Variants in ERICH1 observed in about 807,000 individuals in gnomAD.
The protein encoded by ERICH1 is glutamate rich 1, also known as glutamate-rich protein 1.
Under a neutral mutation model 39.6 loss-of-function variants are expected in ERICH1, and 56 were observed. The observed-to-expected ratio is 1.41, with a 90% CI of 1.14 to 1.77. The LOEUF (loss-of-function observed/expected upper bound fraction) is 1.77. Among genes scored for constraint, ERICH1 ranks in the 40% most tolerant of loss-of-function variants. The pLI is 0.00. For synonymous variants in ERICH1, 313 were observed against 223.6 expected, an observed-to-expected ratio of 1.40 and a Z score of -3.57; for missense variants, 826 against 575.4, an observed-to-expected ratio of 1.44 and a Z score of -4.45.
intron 2 of ERICH1, among the ~76,000 whole-genome samples, chr8:712,286 T>G (rs1416620846): frequency 6.6e-6 from 1 of 152,244 alleles, no homozygotes; most frequent in African/African-American, 2.4e-5. Context: ...GAACATGGAA[T>G]ATCTGTTCAA....
chr8:672,401 T>C (rs1022620583), intron 4 of ERICH1, among the ~76,000 whole-genome samples: 4 of 152,200 alleles, frequency 2.6e-5, no homozygotes, highest in Non-Finnish European at 5.9e-5. Flanking sequence ...CTATTAAAAA[T>C]GGTACTTCTG....
chr8:615,533 G>A, intron 3 of ERICH1: 1 of 416,678 alleles, frequency 2.4e-6, no homozygotes, highest in Non-Finnish European at 4.2e-6. Flanking sequence ...TCAGACAATG[G>A]CAGTGTTGAT....
At chr8:630,943 A>T (rs146449720) in intron 3 of ERICH1, among the ~76,000 whole-genome samples, 2,111 of 96,426 alleles carry the variant, frequency 0.022, no homozygotes, top group South Asian at 0.04. Context: ...CAGAGCTGAC[A>T]CACACCCTCC....
intron 5 of ERICH1, 151 bp from the exon 6 acceptor site, chr8:664,827 G>A (rs1801946898): frequency 8.3e-6 from 5 of 603,256 alleles, no homozygotes; most frequent in South Asian, 6.7e-5. Context: ...GATGTTGAAA[G>A]TGACACATTA....
chr8:703,537 G>C (rs1222997919), intron 2 of ERICH1, among the ~76,000 whole-genome samples: 1 of 152,168 alleles, frequency 6.6e-6, no homozygotes, highest in Non-Finnish European at 1.5e-5. Flanking sequence ...TCTCTGCAAA[G>C]GCCAGGCCTG....
intron 3 of ERICH1, among the ~76,000 whole-genome samples, chr8:632,690 G>A (rs189210224): frequency 2.6e-5 from 4 of 152,316 alleles, no homozygotes; most frequent in South Asian, 4.1e-4. Flanking sequence ...CCACGGACAC[G>A]CTCAGTCCCA....
rs1048214311 is a variant in ERICH1, at chr8:695,481, G to A, written c.170-2869C>T. On this transcript the variant is annotated intron_variant, in intron 2 of 5. Transcript: ENST00000262109. ...CCTCTGAGAGAGCACAGCAGCTCCC[G>A]CCTCCCTCCCTCTCCTCTCCTTCCT... Among the ~76,000 whole-genome samples the A allele has an allele frequency of 2.7e-4, 41 of 151,916 alleles. 1 individual carries two copies. Among genetic ancestry groups the A allele is most frequent in the African/African-American group, 9.4e-4 (39 of 41,386 alleles).
chr8:709,932 A>G (rs1163733576), intron 2 of ERICH1, among the ~76,000 whole-genome samples: 1 of 152,222 alleles, frequency 6.6e-6, no homozygotes, highest in East Asian at 1.9e-4. Flanking sequence ...GGTAGGTTAG[A>G]ACAAAGAAAA....
chr8:705,427 A>G (rs563153764), intron 2 of ERICH1, among the ~76,000 whole-genome samples: 6 of 152,366 alleles, frequency 3.9e-5, no homozygotes, highest in African/African-American at 1.4e-4. Context: ...CAAGTAAATT[A>G]TAACATTTTT....
At chr8:672,012 G>A (rs533276582) in intron 4 of ERICH1, 47 of 153,922 alleles carry the variant, frequency 3.1e-4, no homozygotes, top group East Asian at 9.6e-4. Flanking sequence ...CTCACCCAAC[G>A]CCCACACACA....
Position 706,488 on chromosome 8 carries a change from A to G in ERICH1, c.169+9373T>C, listed in dbSNP as rs369196066. Among the ~76,000 whole-genome samples the G allele has an allele frequency of 8.5e-5, 13 of 152,302 alleles. No individual in the cohort carries two copies. In the East Asian group the frequency reaches 1.2e-3, roughly 14 times the overall value. ...ACTGGAAGGAAAAATATAAAAAAAGATAAGGCCAGGCGCAGTGGCTCACGC... is the reference window on the plus strand; with the variant it reads ...ACTGGAAGGAAAAATATAAAAAAAGGTAAGGCCAGGCGCAGTGGCTCACGC... On this transcript the variant is annotated intron_variant, in intron 2 of 5. Transcript: ENST00000262109.
At chr8:727,673 G>A (rs914234355) in intron 1 of ERICH1, among the ~76,000 whole-genome samples, 1 of 152,206 alleles carries the variant, frequency 6.6e-6, no homozygotes, top group Admixed American at 6.5e-5. Context: ...ACCAGGCTGG[G>A]TGCCTACCAG....
At chr8:651,697 A>G (rs1799967497) in intron 3 of ERICH1, among the ~76,000 whole-genome samples, 1 of 127,686 alleles carries the variant, frequency 7.8e-6, no homozygotes, top group Non-Finnish European at 1.7e-5. Flanking sequence ...GACTGAGGGG[A>G]GAGAGAGGCT....
In ERICH1 at chr8:731,213, G is replaced by A. The variant is rs1391041427; in HGVS notation, c.-52C>T. On this transcript the variant is annotated 5_prime_UTR_variant, in exon 1 of 6. Coordinates refer to ENST00000262109, the MANE Select transcript of ERICH1 (RefSeq NM_207332.3). ...CACGGCGCGCGGTCCTGAGCTGAGCGCCGTGCCTTCCGGGTTCCGCCCTCC... is the reference window on the plus strand; with the variant it reads ...CACGGCGCGCGGTCCTGAGCTGAGCACCGTGCCTTCCGGGTTCCGCCCTCC... 2.1e-6 allele frequency: 3 copies of A among 1,419,520 alleles called. No homozygotes were observed. The highest frequency in any genetic ancestry group is 2.8e-6 in the Non-Finnish European group (3 of 1,088,118). 87.9% of individuals were successfully genotyped at this position (1,419,520 alleles called of 1,614,324 possible).
intron 1 of ERICH1, among the ~76,000 whole-genome samples, chr8:730,875 T>G (rs1321684755): frequency 6.6e-6 from 1 of 152,056 alleles, no homozygotes; most frequent in Non-Finnish European, 1.5e-5. Flanking sequence ...TGGGCTCGCC[T>G]CCGCCCAGGA....
At chr8:632,716 A>G (rs1257761838) in intron 3 of ERICH1, among the ~76,000 whole-genome samples, 1 of 152,256 alleles carries the variant, frequency 6.6e-6, no homozygotes, top group Non-Finnish European at 1.5e-5. Flanking sequence ...GCTCAGAGAC[A>G]CACAAACTCA....
At chr8:730,411 A>G (rs1281093522) in intron 1 of ERICH1, among the ~76,000 whole-genome samples, 5 of 152,234 alleles carry the variant, frequency 3.3e-5, no homozygotes, top group Admixed American at 2.0e-4. Context: ...AAGGAAAAAA[A>G]TTCATCAGCG....
chr8:656,350 A>G (rs1382254824), intron 3 of ERICH1, among the ~76,000 whole-genome samples: 2 of 152,156 alleles, frequency 1.3e-5, no homozygotes, highest in African/African-American at 2.4e-5. Context: ...CCCTTCCCCA[A>G]AATATCTGAC....
At chr8:626,724 G>C (rs1005876338) in intron 3 of ERICH1, 1 of 175,776 alleles carries the variant, frequency 5.7e-6, no homozygotes, top group East Asian at 1.3e-4. Flanking sequence ...GTCTCTCATC[G>C]CGATGCCATC....
Sources: gnomAD v4.1 joint callset for allele counts (sites outside exome capture counted in the v4.1 genomes callset) on GRCh38, gnomAD v4.1.1 for gene constraint, MANE v1.5 for transcripts, NCBI Gene and HGNC (gene_info 2026-07-23, HGNC 2026-07-21) for gene names.